Variants in FOXN3 observed in about 807,000 individuals in gnomAD.
FOXN3 encodes the protein forkhead box protein N3.
In FOXN3, 7 loss-of-function variants were observed where a neutral mutation model predicts 38.4. That is an observed-to-expected ratio of 0.18 (90% CI 0.10 to 0.34). FOXN3 has a LOEUF of 0.34. Ranked by LOEUF, FOXN3 falls within the 10% of genes least tolerant of loss-of-function variation. The pLI, the probability that FOXN3 is intolerant of heterozygous loss-of-function variation, is 1.00. For missense variants in FOXN3, 456 were observed against 613.4 expected, an observed-to-expected ratio of 0.74 and a Z score of 2.71; for synonymous variants, 230 against 242.2, an observed-to-expected ratio of 0.95 and a Z score of 0.47.
At chr14:89,569,370 A>C (rs1391940988) in intron 1 of FOXN3, among the ~76,000 whole-genome samples, 1 of 152,194 alleles carries the variant, frequency 6.6e-6, no homozygotes, top group Non-Finnish European at 1.5e-5. Context: ...AGTGGGCTGT[A>C]ACAAGTCCTC....
chr14:89,262,808 T>TAGTGGCTCAG (rs1422876799), intron 4 of FOXN3, among the ~76,000 whole-genome samples: 1 of 152,190 alleles, frequency 6.6e-6, no homozygotes, highest in East Asian at 1.9e-4. Flanking sequence ...CACTCAGTAT[T>TAGTGGCTCAG]TACAAAGGGC....
chr14:89,595,625 T>G (rs1301592047), intron 1 of FOXN3, among the ~76,000 whole-genome samples: 1 of 152,226 alleles, frequency 6.6e-6, no homozygotes, highest in South Asian at 2.1e-4. Flanking sequence ...TACTCAGTAA[T>G]TTAGTCTCCC....
intron 1 of FOXN3, among the ~76,000 whole-genome samples, chr14:89,513,254 T>C (rs1256465668): frequency 1.3e-5 from 2 of 151,900 alleles, no homozygotes; most frequent in Non-Finnish European, 2.9e-5. Context: ...CCTGTTTCTT[T>C]TCTTCCCTCT....
chr14:89,284,619 C>A (rs1379468118), intron 3 of FOXN3: 1 of 454,582 alleles, frequency 2.2e-6, no homozygotes, highest in African/African-American at 2.0e-5. Flanking sequence ...ATGTGAAAGA[C>A]ACGCGGGCTC....
chr14:89,363,961 TA>T (rs1315405275), intron 2 of FOXN3, among the ~76,000 whole-genome samples: 2 of 14,672 alleles, frequency 1.4e-4, no homozygotes, highest in Admixed American at 1.1e-3. Flanking sequence ...TATATATATA[TA>T]TATATATATA....
intron 4 of FOXN3, among the ~76,000 whole-genome samples, chr14:89,202,901 A>C (rs1393040313): frequency 1.3e-5 from 2 of 152,066 alleles, no homozygotes; most frequent in Non-Finnish European, 2.9e-5. Context: ...CTAGTAATAC[A>C]AAAAAACCCC....
chr14:89,589,597 C>T (rs1036638788), intron 1 of FOXN3, among the ~76,000 whole-genome samples: 1 of 151,956 alleles, frequency 6.6e-6, no homozygotes, highest in South Asian at 2.1e-4. Flanking sequence ...CAGTTGCGGC[C>T]GCACCATGCA....
At chr14:89,559,038 G>GT (rs548200498) in intron 1 of FOXN3, among the ~76,000 whole-genome samples, 80 of 149,690 alleles carry the variant, frequency 5.3e-4, no homozygotes, top group Middle Eastern at 3.4e-3. Flanking sequence ...GAATGTTTTT[G>GT]TTTTTTTTTT....
At chr14:89,536,259 A>C (rs1009522551) in intron 1 of FOXN3, among the ~76,000 whole-genome samples, 5 of 152,276 alleles carry the variant, frequency 3.3e-5, no homozygotes, top group African/African-American at 1.2e-4. Flanking sequence ...GTGTATCCCT[A>C]GGTCAGGTTT....
At chr14:89,370,924 G>A (rs1426779471) in intron 2 of FOXN3, among the ~76,000 whole-genome samples, 2 of 152,156 alleles carry the variant, frequency 1.3e-5, no homozygotes, top group African/African-American at 4.8e-5. Context: ...CAACAGAAAG[G>A]AAAGTACTTT....
At chr14:89,478,549 T>C (rs1371539929) in intron 1 of FOXN3, among the ~76,000 whole-genome samples, 1 of 152,204 alleles carries the variant, frequency 6.6e-6, no homozygotes, top group Non-Finnish European at 1.5e-5. Context: ...CATACATTCT[T>C]GGGTAATAAG....
chr14:89,465,375 A>G (rs1232767404), intron 1 of FOXN3, among the ~76,000 whole-genome samples: 3 of 151,946 alleles, frequency 2.0e-5, no homozygotes, highest in Admixed American at 6.6e-5. Context: ...GACTACAGGC[A>G]CCCGCCACCA....
intron 4 of FOXN3, among the ~76,000 whole-genome samples, chr14:89,249,109 T>C (rs1885378306): frequency 6.6e-6 from 1 of 152,198 alleles, no homozygotes; most frequent in African/African-American, 2.4e-5. Context: ...AAAATAAGTA[T>C]TTCAGGGGCT....
At chr14:89,562,378 G>A (rs767822182) in intron 1 of FOXN3, among the ~76,000 whole-genome samples, 11 of 151,898 alleles carry the variant, frequency 7.2e-5, no homozygotes, top group Admixed American at 4.6e-4. Flanking sequence ...CTCATGTCTC[G>A]CATCCCAAGT....
At position 89,181,018 on chromosome 14, in the gene FOXN3, A is replaced by G. The variant is rs577620867; in HGVS notation, c.746-212T>C. ...CACACTCACACAGTCATGCACGCGC[A>G]CACACACACACATGCAGACACGTAC... On this transcript the variant is annotated intron_variant, in intron 4 of 5. Coordinates refer to ENST00000557258, the MANE Select transcript of FOXN3 (RefSeq NM_005197.4). Among the ~76,000 whole-genome samples the G allele has an allele frequency of 1.3e-3, 192 of 151,276 alleles. 1 individual carries two copies. Among genetic ancestry groups the G allele is most frequent in the African/African-American group, 4.4e-3 (180 of 41,144 alleles).
At chr14:89,300,174 A>C (rs1401273140) in intron 3 of FOXN3, among the ~76,000 whole-genome samples, 1 of 148,888 alleles carries the variant, frequency 6.7e-6, no homozygotes, top group Non-Finnish European at 1.5e-5. Context: ...GAGATCAAGA[A>C]ATGTACTTTT....
chr14:89,466,461 A>G (rs1892977155), intron 1 of FOXN3, among the ~76,000 whole-genome samples: 1 of 152,144 alleles, frequency 6.6e-6, no homozygotes, highest in African/African-American at 2.4e-5. Context: ...GACTGCTCAG[A>G]TAACTGTTTT....
chr14:89,289,644 A>G (rs892283965), intron 3 of FOXN3, among the ~76,000 whole-genome samples: 4 of 152,232 alleles, frequency 2.6e-5, no homozygotes, highest in African/African-American at 9.6e-5. Flanking sequence ...TAGGTCTTTC[A>G]AGGACAAAGA....
At chr14:89,310,014 G>C (rs1887484709) in intron 3 of FOXN3, among the ~76,000 whole-genome samples, 2 of 152,192 alleles carry the variant, frequency 1.3e-5, no homozygotes, top group African/African-American at 2.4e-5. Context: ...TCCTACCCAT[G>C]CGGGGGTGGG....
Sources: allele counts gnomAD v4.1 joint callset (sites outside exome capture counted in the v4.1 genomes callset), GRCh38; gene constraint gnomAD v4.1.1; transcripts MANE v1.5; gene names NCBI Gene and HGNC (gene_info 2026-07-23, HGNC 2026-07-21).